NEGR1: variants seen among roughly 807,000 people sequenced by gnomAD.
NEGR1 encodes the protein IgLON family member 4.
Under a neutral mutation model 40.9 loss-of-function variants are expected in NEGR1, and 10 were observed. The ratio of observed to expected loss-of-function variants is 0.24; its 90% CI spans 0.15 to 0.42. The LOEUF (loss-of-function observed/expected upper bound fraction) is 0.42, where lower values mean the gene tolerates loss of function less well. Among genes scored for constraint, NEGR1 ranks in the 10% least tolerant of loss-of-function variants. NEGR1 has a pLI of 1.00. For missense variants in NEGR1, 352 were observed against 438.9 expected, an observed-to-expected ratio of 0.80 and a Z score of 1.77; for synonymous variants, 185 against 166.8, an observed-to-expected ratio of 1.11 and a Z score of -0.84.
intron 6 of NEGR1, among the ~76,000 whole-genome samples, chr1:71,544,221 A>G (rs1181318841): frequency 6.6e-6 from 1 of 151,704 alleles, no homozygotes; most frequent in Non-Finnish European, 1.5e-5. Flanking sequence ...TTTAAGTAGT[A>G]TATATTTTTT....
At chr1:72,167,579 C>T (rs1250078200) in intron 1 of NEGR1, among the ~76,000 whole-genome samples, 1 of 151,880 alleles carries the variant, frequency 6.6e-6, no homozygotes, top group African/African-American at 2.4e-5. Flanking sequence ...TGGGATAAAG[C>T]AAAATGGTAT....
chr1:71,632,226 T>C (rs1390547987), intron 4 of NEGR1, among the ~76,000 whole-genome samples: 3 of 151,680 alleles, frequency 2.0e-5, no homozygotes, highest in Non-Finnish European at 4.4e-5. Flanking sequence ...GATGTGTGTG[T>C]ATACATATGC....
intron 1 of NEGR1, among the ~76,000 whole-genome samples, chr1:72,022,765 C>T (rs1646772581): frequency 6.6e-6 from 1 of 152,074 alleles, no homozygotes; most frequent in African/African-American, 2.4e-5. Flanking sequence ...TTGTAAGTAT[C>T]CAAGTTGCCA....
intron 2 of NEGR1, among the ~76,000 whole-genome samples, chr1:71,932,561 G>A (rs1296849661): frequency 6.6e-6 from 1 of 151,878 alleles, no homozygotes; most frequent in Non-Finnish European, 1.5e-5. Flanking sequence ...TAGTGTCTGT[G>A]TTGATAATAT....
intron 2 of NEGR1, among the ~76,000 whole-genome samples, chr1:71,796,900 G>A (rs769087813): frequency 1.3e-5 from 2 of 152,130 alleles, no homozygotes; most frequent in African/African-American, 2.4e-5. Flanking sequence ...AAAGTTGTAG[G>A]TTTTATATAG....
rs192673257 is a variant in NEGR1, at chr1:71,925,431, C to A, written c.409+9648G>T. ...CAGAAGATGCTGAAGGGATGGGTGG[C>A]GAAGTATGGGAAGAGAGATATTGGA... On this transcript the variant is annotated intron_variant, in intron 2 of 6. Coordinates refer to ENST00000357731, the MANE Select transcript of NEGR1 (RefSeq NM_173808.3). Among the ~76,000 whole-genome samples the A allele has an allele frequency of 2.6e-4, 39 of 152,250 alleles. 1 individual carries two copies. In the East Asian group the frequency reaches 6.6e-3, roughly 26 times the overall value.
intron 1 of NEGR1, among the ~76,000 whole-genome samples, chr1:72,130,151 GC>G (rs1650188075): frequency 6.6e-6 from 1 of 152,010 alleles, no homozygotes; most frequent in South Asian, 2.1e-4. Flanking sequence ...AATTACTTAC[GC>G]TTTTTTCTTT....
chr1:71,718,637 T>C (rs1654353585), intron 3 of NEGR1, among the ~76,000 whole-genome samples: 1 of 152,204 alleles, frequency 6.6e-6, no homozygotes, highest in Non-Finnish European at 1.5e-5. Context: ...TATTTTGTTT[T>C]ACAAAGTTTA....
intron 4 of NEGR1, among the ~76,000 whole-genome samples, chr1:71,616,755 A>G (rs2101548604): frequency 6.6e-6 from 1 of 152,338 alleles, no homozygotes; most frequent in Middle Eastern, 3.4e-3. Flanking sequence ...CAGTTTTGGT[A>G]AGCCCACAAG....
chr1:71,971,226 G>A (rs1646253644), intron 1 of NEGR1, among the ~76,000 whole-genome samples: 1 of 152,168 alleles, frequency 6.6e-6, no homozygotes, highest in Non-Finnish European at 1.5e-5. Context: ...GGTGCTGTCG[G>A]TACACTGATT....
At chr1:72,160,443 T>C (rs550268557) in intron 1 of NEGR1, among the ~76,000 whole-genome samples, 9 of 152,136 alleles carry the variant, frequency 5.9e-5, no homozygotes, top group Non-Finnish European at 1.0e-4. Context: ...TTTAAAAGGA[T>C]ATTATATTTC....
intron 1 of NEGR1, among the ~76,000 whole-genome samples, chr1:72,109,973 G>C (rs897740089): frequency 2.0e-5 from 3 of 151,488 alleles, no homozygotes; most frequent in African/African-American, 7.3e-5. Context: ...TTCCTATTTA[G>C]GAATCCACAG....
chr1:71,791,501 A>G (rs1049238104), intron 2 of NEGR1, among the ~76,000 whole-genome samples: 4 of 152,224 alleles, frequency 2.6e-5, no homozygotes, highest in African/African-American at 9.6e-5. Flanking sequence ...TTTTAAAAAA[A>G]TATTTATCAG....
At chr1:71,522,188 T>C (rs934391050) in intron 6 of NEGR1, among the ~76,000 whole-genome samples, 25 of 152,022 alleles carry the variant, frequency 1.6e-4, no homozygotes, top group Non-Finnish European at 2.9e-5. Context: ...GACTCCACCA[T>C]TGTATTTTAG....
chr1:71,906,308 T>C (rs1413887658), intron 2 of NEGR1, among the ~76,000 whole-genome samples: 1 of 151,914 alleles, frequency 6.6e-6, no homozygotes, highest in Non-Finnish European at 1.5e-5. Flanking sequence ...GGGTAATGGG[T>C]GCACCAAAAT....
chr1:71,622,336 T>G (rs1650636787), intron 4 of NEGR1, among the ~76,000 whole-genome samples: 1 of 151,948 alleles, frequency 6.6e-6, no homozygotes, highest in African/African-American at 2.4e-5. Context: ...AGTATCTCTA[T>G]TATCAGCAAG....
chr1:71,796,846 T>C (rs932253259), intron 2 of NEGR1, among the ~76,000 whole-genome samples: 2 of 151,618 alleles, frequency 1.3e-5, no homozygotes, highest in Non-Finnish European at 2.9e-5. Flanking sequence ...TCCGGAGGAG[T>C]TGAGAGAAGG....
At chr1:72,148,139 T>C (rs990533977) in intron 1 of NEGR1, among the ~76,000 whole-genome samples, 4 of 152,154 alleles carry the variant, frequency 2.6e-5, no homozygotes, top group Admixed American at 2.0e-4. Flanking sequence ...ACATTTCCCT[T>C]CTGCACTGTC....
At chr1:71,846,191 A>G (rs1659403327) in intron 2 of NEGR1, among the ~76,000 whole-genome samples, 1 of 152,092 alleles carries the variant, frequency 6.6e-6, no homozygotes, top group Non-Finnish European at 1.5e-5. Context: ...GTTGAGCTGA[A>G]TGGAAAGCAA....
Sources: allele counts gnomAD v4.1 joint callset (sites outside exome capture counted in the v4.1 genomes callset), GRCh38; gene constraint gnomAD v4.1.1; transcripts MANE v1.5; gene names NCBI Gene and HGNC (gene_info 2026-07-23, HGNC 2026-07-21).